SNPH: variants seen among roughly 807,000 people sequenced by gnomAD.
SNPH encodes syntaphilin.
SNPH carries 10 observed loss-of-function variants against 36.8 expected under a neutral mutation model. That is an observed-to-expected ratio of 0.27 (90% CI 0.17 to 0.46). The LOEUF (loss-of-function observed/expected upper bound fraction) is 0.46, where lower values mean the gene tolerates loss of function less well. SNPH is among the 20% of genes least tolerant of loss of function. The probability of loss-of-function intolerance (pLI) is 1.00; values close to 1 mark genes in which losing one functional copy is unlikely to be tolerated. For synonymous variants in SNPH, 281 were observed against 312.2 expected, an observed-to-expected ratio of 0.90 and a Z score of 1.05; for missense variants, 622 against 744.0, an observed-to-expected ratio of 0.84 and a Z score of 1.91.
At position 1,280,850 on chromosome 20, in the gene SNPH, C is replaced by G. The variant is rs189244104; in HGVS notation, c.-493+14090C>G. On this transcript the variant is annotated intron_variant, in intron 2 of 6. Coordinates refer to ENST00000381867, the MANE Select transcript of SNPH (RefSeq NM_001318234.2). Reference sequence around the variant, plus strand: ...CTCGATTTCGAATCCAGCTCTGTTCCTAGCACCTGGGAAGACTCCAAGCCT... The same window carrying G: ...CTCGATTTCGAATCCAGCTCTGTTCGTAGCACCTGGGAAGACTCCAAGCCT... Among the ~76,000 whole-genome samples, 605 of 152,278 alleles carry G rather than the reference C, an allele frequency of 4.0e-3. 9 individuals carry two copies. The highest frequency in any genetic ancestry group is 0.014 in the African/African-American group (578 of 41,544).
intron 2 of SNPH, among the ~76,000 whole-genome samples, chr20:1,284,823 AG>A (rs2088265556): frequency 6.6e-6 from 1 of 152,236 alleles, no homozygotes; most frequent in Non-Finnish European, 1.5e-5. Flanking sequence ...ACTTTACATC[AG>A]CCGAAGAAAA....
intron 5 of SNPH, 86 bp downstream of exon 5, chr20:1,297,338 G>A (rs2088451367): frequency 7.7e-7 from 1 of 1,297,338 alleles, no homozygotes; most frequent in Non-Finnish European, 1.1e-6. Flanking sequence ...GCAGGGTCGT[G>A]TTCTAACCAC....
At chr20:1,289,891 A>G (rs1323478562) in intron 2 of SNPH, among the ~76,000 whole-genome samples, 1 of 152,026 alleles carries the variant, frequency 6.6e-6, no homozygotes, top group Non-Finnish European at 1.5e-5. Context: ...TTGAGATATA[A>G]TTTACATTCC....
Position 1,266,435 on chromosome 20 carries a change from C to A in SNPH, c.-600+38C>A. ...ACCCCGGGGATCTCCGGGCCCACCG[C>A]CCAGCTGCACCCGCCGCAGTCCAGA... On this transcript the variant is annotated intron_variant, in intron 1 of 6. Transcript: ENST00000381867. This position sits in a 1 kb window ranked among gnomAD's most constrained non-coding sequence, Gnocchi z 6.0. 1 of 563,450 alleles carries A rather than the reference C, an allele frequency of 1.8e-6. No homozygotes were observed. Among genetic ancestry groups the A allele is most frequent in the South Asian group, 3.4e-5 (1 of 29,058 alleles). The allele number at this position is 563,450 out of a possible 1,614,324, so 34.9% of individuals were successfully genotyped here. A position where few individuals can be genotyped will look rare whatever the true frequency, so the allele number is the denominator to read the frequency against.
At chr20:1,287,500 C>G (rs547153090) in intron 2 of SNPH, among the ~76,000 whole-genome samples, 1 of 152,208 alleles carries the variant, frequency 6.6e-6, no homozygotes, top group Non-Finnish European at 1.5e-5. Flanking sequence ...CAGGCTCTGT[C>G]CCTGACTTTC....
chr20:1,303,435 C>T (rs1162180939), intron 6 of SNPH, among the ~76,000 whole-genome samples: 1 of 152,242 alleles, frequency 6.6e-6, no homozygotes, highest in Non-Finnish European at 1.5e-5. Context: ...CTCACTCTTT[C>T]TCCCAGGGTG....
chr20:1,266,623 C>T lies in SNPH; in HGVS notation c.-599-31C>T. On this transcript the variant is annotated intron_variant, in intron 1 of 6. Coordinates refer to ENST00000381867, the MANE Select transcript of SNPH (RefSeq NM_001318234.2). The surrounding 1 kb of genome is among the most constrained non-coding windows in gnomAD (Gnocchi z 6.0). ...GTGTTCCCCGCCCGCGCTCACCCGC[C>T]CCGGTCTATCTCTTTTTCCTAACCC... 1 of 1,476,906 alleles carries T rather than the reference C, an allele frequency of 6.8e-7. No individual in the cohort carries two copies. Among genetic ancestry groups the T allele is most frequent in the Non-Finnish European group, 9.0e-7 (1 of 1,116,542 alleles). The allele number at this position is 1,476,906 out of a possible 1,614,324, so 91.5% of individuals were successfully genotyped here.
intron 2 of SNPH, among the ~76,000 whole-genome samples, chr20:1,289,346 C>T (rs533226932): frequency 3.3e-4 from 50 of 152,192 alleles, no homozygotes; most frequent in Non-Finnish European, 6.5e-4. Context: ...TCCAGGCTGA[C>T]CCAAAGTCTA....
rs146932767 is a variant in SNPH at position 1,308,265 on chromosome 20, C to T, written c.*2211C>T. ...AGGCCTGTGGAGGAGGTGAGTGTAG[C>T]CAGCAGCGGCCGTCTACTCCTGTTC... is the stretch of plus-strand genomic sequence containing the variant. On this transcript the variant is annotated 3_prime_UTR_variant, in exon 7 of 7. Transcript: ENST00000381867. 6.2e-3 allele frequency: 944 copies of T among 153,282 alleles called. 6 individuals are homozygous for T. Among genetic ancestry groups the T allele is most frequent in the Non-Finnish European group, 0.011 (738 of 68,842 alleles). 9.5% of individuals were successfully genotyped at this position (153,282 alleles called of 1,614,324 possible).
At chr20:1,273,913 C>T (rs541406463) in intron 2 of SNPH, among the ~76,000 whole-genome samples, 2 of 152,280 alleles carry the variant, frequency 1.3e-5, no homozygotes, top group East Asian at 3.9e-4. Flanking sequence ...GGCTGTGTAG[C>T]AGAGCCTACA....
chr20:1,268,601 TTGTCA>T (rs1418353958), intron 2 of SNPH, among the ~76,000 whole-genome samples: 1 of 151,880 alleles, frequency 6.6e-6, no homozygotes, highest in Non-Finnish European at 1.5e-5. Flanking sequence ...CCAAAAGAAG[TTGTCA>T]TGTCCCCCCA....
At chr20:1,293,635 G>A (rs947392688) in intron 2 of SNPH, among the ~76,000 whole-genome samples, 2 of 152,178 alleles carry the variant, frequency 1.3e-5, no homozygotes, top group African/African-American at 4.8e-5. Flanking sequence ...GGTGGCTTCT[G>A]CCCTCCCATG....
rs201067976 is a variant in SNPH, at chr20:1,305,841, C to T, written c.1404C>T (p.His468=). 6 of 1,593,480 alleles carry T rather than the reference C, an allele frequency of 3.8e-6. No homozygotes were observed. In the Admixed American group the frequency reaches 5.3e-5, roughly 14 times the overall value. ...EKEPKSYWSR[H]YIVDLLAVVV... ...AGCCCAAGAGCTACTGGAGCCGCCACTACATCGTGGATCTGCTGGCTGTGG... is the reference window on the plus strand; with the variant it reads ...AGCCCAAGAGCTACTGGAGCCGCCATTACATCGTGGATCTGCTGGCTGTGG... Residue 468 remains histidine (H), a synonymous_variant, in exon 7 of 7, where the codon CAC becomes CAT. Transcript: ENST00000381867.
In SNPH at chr20:1,294,329, C is replaced by G. The variant is rs1301479737; in HGVS notation, c.-492-622C>G. Among the ~76,000 whole-genome samples the G allele has an allele frequency of 6.6e-6, 1 of 152,196 alleles. No homozygotes were observed. Among genetic ancestry groups the G allele is most frequent in the Non-Finnish European group, 1.5e-5 (1 of 68,018 alleles). On this transcript the variant is annotated intron_variant, in intron 2 of 6. Coordinates refer to ENST00000381867, the MANE Select transcript of SNPH (RefSeq NM_001318234.2). The surrounding 1 kb of genome is among the most constrained non-coding windows in gnomAD (Gnocchi z 4.4). ...TTGGAGCCCTTGCCCATGTGCCCCTCTGCACCCTAAGCTGTTCCTGGTCAA... is the reference window on the plus strand; with the variant it reads ...TTGGAGCCCTTGCCCATGTGCCCCTGTGCACCCTAAGCTGTTCCTGGTCAA...
rs1317273093 is a variant in SNPH at position 1,277,745 on chromosome 20, GTC to G, written c.-493+10987_-493+10988del. 3.4e-5 allele frequency among the ~76,000 whole-genome samples: 5 copies of G among 146,358 alleles called. No homozygotes were observed. The East Asian group carries it at 6.2e-4, about 18-fold the overall frequency. On this transcript the variant is annotated intron_variant, in intron 2 of 6. Coordinates refer to ENST00000381867, the MANE Select transcript of SNPH (RefSeq NM_001318234.2). ...GTGTGTGTATCTGTGTGTGTCGTGT[GTC>G]TGTGTGTGTGTGTGTCAGTGTCTGT...
intron 5 of SNPH, 107 bp downstream of exon 5, chr20:1,297,359 A>G: frequency 1.0e-6 from 1 of 985,012 alleles, no homozygotes. Flanking sequence ...CCCTGACGCC[A>G]GCATAGCCGC....
Position 1,305,235 on chromosome 20 carries a change from T to C in SNPH, c.798T>C (p.Ala266=). The stretch of plus-strand genomic sequence containing the variant: ...CCTACACCAAGCTGAGTGACCCGGC[T>C]GTCTGTGGTGACCGCCAGCCGGGTG... ...SSTYTKLSDP[A]VCGDRQPGDP... Residue 266 remains alanine (A), a synonymous_variant, in exon 7 of 7, where the codon GCT becomes GCC. Coordinates refer to ENST00000381867, the MANE Select transcript of SNPH (RefSeq NM_001318234.2). 6.2e-7 allele frequency: 1 copy of C among 1,611,374 alleles called. No homozygotes were observed. Among genetic ancestry groups the C allele is most frequent in the East Asian group, 2.2e-5 (1 of 44,870 alleles).
chr20:1,285,477 C>G lies in SNPH; in HGVS notation c.-492-9474C>G, dbSNP rs558794203. Among the ~76,000 whole-genome samples, 1 of 152,312 alleles carries G rather than the reference C, an allele frequency of 6.6e-6. No homozygotes were observed. The highest frequency in any genetic ancestry group is 1.9e-4 in the East Asian group (1 of 5,186). On this transcript the variant is annotated intron_variant, in intron 2 of 6. Transcript: ENST00000381867. This position sits in a 1 kb window ranked among gnomAD's most constrained non-coding sequence, Gnocchi z 4.9. ...ATAACATTGAGAATAAGAATATATT[C>G]AGGCGAATAAATAATTACTGCTATT...
rs759092753 is a variant in SNPH at position 1,278,046 on chromosome 20, CTG to C, written c.-493+11298_-493+11299del. ...TGTATGTGTGTCTGTGTATGTGTGCCTGTGTGTGTGTGTCTGTGTGTGTATCT... is the reference window on the plus strand; with the variant it reads ...TGTATGTGTGTCTGTGTATGTGTGCCTGTGTGTGTGTCTGTGTGTGTATCT... On this transcript the variant is annotated intron_variant, in intron 2 of 6. Transcript: ENST00000381867. Among the ~76,000 whole-genome samples the C allele has an allele frequency of 5.7e-3, 316 of 55,358 alleles. 3 individuals carry two copies. Among genetic ancestry groups the C allele is most frequent in the African/African-American group, 0.023 (294 of 12,986 alleles). 36.3% of individuals were successfully genotyped at this position (55,358 alleles called of 152,430 possible). A position where few individuals can be genotyped will look rare whatever the true frequency, so the allele number is the denominator to read the frequency against.
Sources: allele counts gnomAD v4.1 joint callset (sites outside exome capture counted in the v4.1 genomes callset), GRCh38; gene constraint gnomAD v4.1.1; non-coding constraint Gnocchi (gnomAD v3.1); transcripts MANE v1.5; gene names NCBI Gene and HGNC (gene_info 2026-07-23, HGNC 2026-07-21).